MYH14: variants seen among roughly 807,000 people sequenced by gnomAD.
MYH14 encodes the protein myosin heavy chain 14.
Under a neutral mutation model 255.5 loss-of-function variants are expected in MYH14, and 123 were observed. That is an observed-to-expected ratio of 0.48 (90% CI 0.42 to 0.56). MYH14 has a LOEUF of 0.56. MYH14 is among the 20% of genes least tolerant of loss of function. The probability of loss-of-function intolerance (pLI) is 0.00; values close to 1 mark genes in which losing one functional copy is unlikely to be tolerated. For missense variants in MYH14, 2,423 were observed against 2,802.3 expected (o/e 0.86, Z 3.06); for synonymous variants, 1,095 against 1,161.2 (o/e 0.94, Z 1.16).
In MYH14 at chr19:50,290,901, G is replaced by T. The variant is rs1440311953; in HGVS notation, c.4980G>T (p.Glu1660Asp). ...RQLAKQLRDAEVERDEERKQR... is the reference protein window; with the variant it reads ...RQLAKQLRDADVERDEERKQR... ...CTCCTCTCCAGCTGAGAGATGCAGA[G>T]GTGGAGCGGGATGAGGAGCGGAAGC... The change falls in exon 36 of 43, where the codon GAG (glutamate) becomes GAT (aspartate). Residue 1660 changes from glutamate (E) to aspartate (D), a missense_variant. Glu to Asp is a conservative substitution (Grantham distance 45). Around this residue, in one of 3 missense-constraint regions of MYH14, gnomAD observed 1,513 missense variants for 1,674.8 expected, o/e 0.90. Coordinates refer to ENST00000642316, the MANE Select transcript of MYH14 (RefSeq NM_001145809.2). 6.4e-7 allele frequency: 1 copy of T among 1,563,694 alleles called. No homozygotes were observed. Among genetic ancestry groups the T allele is most frequent in the Non-Finnish European group, 8.7e-7 (1 of 1,154,762 alleles).
intron 22 of MYH14, 39 bp downstream of exon 22, chr19:50,263,459 G>A: frequency 6.8e-7 from 1 of 1,469,930 alleles, no homozygotes; most frequent in Non-Finnish European, 9.3e-7. Context: ...GTAGGGAGAG[G>A]ATAGGGCCTT....
At chr19:50,216,960 A>C (rs538357529) in intron 2 of MYH14, among the ~76,000 whole-genome samples, 1 of 140,010 alleles carries the variant, frequency 7.1e-6, no homozygotes, top group Non-Finnish European at 1.6e-5. Context: ...GGCATGTGTC[A>C]CCACACCTGG....
Position 50,259,270 on chromosome 19 carries a change from G to A in MYH14, c.2354+5G>A, listed in dbSNP as rs1341761944. 6.4e-7 allele frequency: 1 copy of A among 1,568,274 alleles called. No individual in the cohort carries two copies. Among genetic ancestry groups the A allele is most frequent in the African/African-American group, 1.4e-5 (1 of 73,840 alleles). ...CTTCCAGGAGTTCCGGCAGCGGTGA[G>A]CTAGAGCGAGGGCCCAGGCCCGGCG... is the stretch of plus-strand genomic sequence containing the variant. On this transcript the variant is annotated splice_donor_5th_base_variant and intron_variant, in intron 19 of 42. Transcript: ENST00000642316.
At position 50,224,134 on chromosome 19, in the gene MYH14, G is replaced by A. The variant is rs650744; in HGVS notation, c.694-20G>A. 5.9e-3 allele frequency: 9,468 copies of A among 1,611,656 alleles called. 452 individuals are homozygous for A. In the East Asian group the frequency reaches 0.13, roughly 22 times the overall value. ...TGTGCTGTGTCCTGGTCCGTGTCTCGTGTCCCGTGACTTCCTCAGGCCTCC... is the reference window on the plus strand; with the variant it reads ...TGTGCTGTGTCCTGGTCCGTGTCTCATGTCCCGTGACTTCCTCAGGCCTCC... On this transcript the variant is annotated intron_variant, in intron 5 of 42. Coordinates refer to ENST00000642316, the MANE Select transcript of MYH14 (RefSeq NM_001145809.2).
chr19:50,251,561 C>T (rs1367494690), intron 15 of MYH14, among the ~76,000 whole-genome samples: 87 of 100,844 alleles, frequency 8.6e-4, no homozygotes, highest in African/African-American at 2.9e-3. Flanking sequence ...CACACACACA[C>T]ACACACACAT....
Position 50,280,329 on chromosome 19 carries a change from G to A in MYH14, c.4236G>A (p.Glu1412=). 3 of 1,549,654 alleles carry A rather than the reference G, an allele frequency of 1.9e-6. No individual in the cohort carries two copies. The highest frequency in any genetic ancestry group is 2.6e-6 in the Non-Finnish European group (3 of 1,146,432). ...CCGGGCTGCGTGAGCAGCTGGAGGAGGAGGCAGCTGCCAGGGAACGGGCGG... is the reference window on the plus strand; with the variant it reads ...CCGGGCTGCGTGAGCAGCTGGAGGAAGAGGCAGCTGCCAGGGAACGGGCGG... The part of the protein sequence containing the change: ...EAAGLREQLE[E]EAAARERAGR... The change falls in exon 32 of 43, where the codon GAG becomes GAA. Residue 1412 remains glutamate (E), a synonymous_variant. Coordinates refer to ENST00000642316, the MANE Select transcript of MYH14 (RefSeq NM_001145809.2). The surrounding 1 kb of genome is among the most constrained non-coding windows in gnomAD (Gnocchi z 4.8).
chr19:50,281,489 C>T (rs2035716047), intron 32 of MYH14, 105 bp from the exon 33 acceptor site: 3 of 1,478,430 alleles, frequency 2.0e-6, no homozygotes, highest in Non-Finnish European at 2.7e-6. Flanking sequence ...ACCCCTTTCC[C>T]TCTTCAGGCC....
intron 32 of MYH14, among the ~76,000 whole-genome samples, chr19:50,281,178 T>C (rs747431134): frequency 1.3e-5 from 2 of 152,300 alleles, no homozygotes; most frequent in South Asian, 4.1e-4. Flanking sequence ...CTGGCAGACT[T>C]CTATGCATAC....
At chr19:50,248,589 T>G (rs1600934992) in intron 12 of MYH14, among the ~76,000 whole-genome samples, 2 of 152,168 alleles carry the variant, frequency 1.3e-5, no homozygotes, top group Non-Finnish European at 2.9e-5. Flanking sequence ...CTGTTGTTAG[T>G]TCCCATTTTA....
intron 18 of MYH14, chr19:50,258,294 GA>G (rs2034667675): frequency 6.6e-6 from 1 of 152,106 alleles, no homozygotes; most frequent in Non-Finnish European, 1.5e-5. Context: ...CTGAAGTCGA[GA>G]TGTAGCTTAG....
At chr19:50,216,309 T>C (rs933800290) in intron 2 of MYH14, among the ~76,000 whole-genome samples, 2 of 151,550 alleles carry the variant, frequency 1.3e-5, no homozygotes, top group African/African-American at 2.4e-5. Context: ...ACCCTGTGTC[T>C]ACAAAAAAAT....
chr19:50,267,723 T>G (rs945387610), intron 23 of MYH14, among the ~76,000 whole-genome samples: 2 of 152,136 alleles, frequency 1.3e-5, no homozygotes, highest in Admixed American at 1.3e-4. Context: ...ATTTTAGGTA[T>G]GAAATGTATT....
Position 50,309,668 on chromosome 19 carries a change from A to ACGGTG in MYH14, c.5992_5996dup (p.Gln2000CysfsTer7). 1 of 1,579,312 alleles carries ACGGTG rather than the reference A, an allele frequency of 6.3e-7. No individual in the cohort carries two copies. The highest frequency in any genetic ancestry group is 8.6e-7 in the Non-Finnish European group (1 of 1,169,012). ...CGGCCCCCTCACCTTCACCACCCGCACGGTGCGCCAGGTCTTCCGACTAGA... is the reference window on the plus strand; with the variant it reads ...CGGCCCCCTCACCTTCACCACCCGCACGGTGCGGTGCGCCAGGTCTTCCGACTAGA... On this transcript the variant is annotated frameshift_variant, in exon 43 of 43. Coordinates refer to ENST00000642316, the MANE Select transcript of MYH14 (RefSeq NM_001145809.2). LOFTEE classifies it low-confidence loss of function (END_TRUNC).
intron 40 of MYH14, among the ~76,000 whole-genome samples, chr19:50,303,832 C>T (rs1347207936): frequency 6.6e-6 from 1 of 152,126 alleles, no homozygotes; most frequent in Non-Finnish European, 1.5e-5. Context: ...TAGTATGGGG[C>T]TGAAAGAGTT....
Position 50,260,635 on chromosome 19 carries a change from G to T in MYH14, c.2355-11G>T. 1 of 1,608,340 alleles carries T rather than the reference G, an allele frequency of 6.2e-7. No homozygotes were observed. The highest frequency in any genetic ancestry group is 1.1e-5 in the South Asian group (1 of 90,864). ...AACTCTCTCCTCCCCACCCCTCCCT[G>T]CTCATTGCAGATACGAGATCCTGAC... On this transcript the variant is annotated splice_polypyrimidine_tract_variant and intron_variant, in intron 19 of 42. Transcript: ENST00000642316.
chr19:50,231,886 G>T, intron 9 of MYH14, 44 bp from the exon 10 acceptor site: 4 of 1,610,200 alleles, frequency 2.5e-6, no homozygotes, highest in Non-Finnish European at 3.4e-6. Context: ...GAGTCTGACT[G>T]CACAGCCCAC....
intron 15 of MYH14, among the ~76,000 whole-genome samples, chr19:50,251,701 C>T (rs138771884): frequency 0.02 from 3,087 of 152,086 alleles, 39 homozygotes; most frequent in Middle Eastern, 0.037. Flanking sequence ...CCTCAGCCTC[C>T]CCAGTAGCTG....
intron 35 of MYH14, 130 bp downstream of exon 35, chr19:50,289,778 A>G: frequency 1.3e-6 from 1 of 779,658 alleles, no homozygotes; most frequent in Non-Finnish European, 2.1e-6. Context: ...CCCGCCGACC[A>G]CTCAGTATCT....
chr19:50,297,111 A>T (rs552529551), intron 39 of MYH14, among the ~76,000 whole-genome samples: 1 of 151,878 alleles, frequency 6.6e-6, no homozygotes, highest in South Asian at 2.1e-4. Context: ...TCAGCCTCCC[A>T]AGTAGCTGGG....
Sources: allele counts gnomAD v4.1 joint callset (sites outside exome capture counted in the v4.1 genomes callset), GRCh38; gene constraint gnomAD v4.1.1; regional missense constraint gnomAD v4.1.1; non-coding constraint Gnocchi (gnomAD v3.1); transcripts MANE v1.5; gene names NCBI Gene and HGNC (gene_info 2026-07-23, HGNC 2026-07-21).